The following ZDHHC15 variants were observed in gnomAD, a reference collection of about 807,000 sequenced individuals.
The protein encoded by ZDHHC15 is zDHHC palmitoyltransferase 15.
In ZDHHC15, 19 loss-of-function variants were observed where a neutral mutation model predicts 31.7. The observed-to-expected ratio is 0.60, with a 90% CI of 0.42 to 0.88. The LOEUF is 0.88. Among genes scored for constraint, ZDHHC15 ranks in the 40% least tolerant of loss-of-function variants. ZDHHC15 has a pLI of 0.00. For missense variants in ZDHHC15, 209 were observed against 251.2 expected, an observed-to-expected ratio of 0.83 and a Z score of 1.14; for synonymous variants, 103 against 90.0, an observed-to-expected ratio of 1.14 and a Z score of -0.82.
chrX:75,518,771 AT>A (rs2085399266), intron 1 of ZDHHC15, among the ~76,000 whole-genome samples: 1 of 28,877 alleles, frequency 3.5e-5, no homozygotes, highest in Non-Finnish European at 5.3e-5. Flanking sequence ...ACAAACTGGT[AT>A]ATATATATAT....
At chrX:75,499,288 A>G (rs772227490) in intron 2 of ZDHHC15, among the ~76,000 whole-genome samples, 2 of 112,059 alleles carry the variant, frequency 1.8e-5, no homozygotes, top group Non-Finnish European at 3.8e-5. Context: ...GATCGGACTT[A>G]AACTAAAAAG....
intron 2 of ZDHHC15, among the ~76,000 whole-genome samples, chrX:75,499,826 C>T (rs999807452): frequency 9.0e-6 from 1 of 111,435 alleles, no homozygotes; most frequent in Admixed American, 9.6e-5. Flanking sequence ...AAGAAAAATA[C>T]ACTTGCACAT....
rs189635298 is a variant in ZDHHC15, at chrX:75,463,984, G to A, written c.259-13062C>T. On this transcript the variant is annotated intron_variant, in intron 3 of 11. Transcript: ENST00000373367. Reference sequence around the variant, plus strand: ...CATGCTGCTATAAAGACACACGCACGCGTATGTTTATTGCGGCACTATTCA... The same window carrying A: ...CATGCTGCTATAAAGACACACGCACACGTATGTTTATTGCGGCACTATTCA... 6.8e-3 allele frequency among the ~76,000 whole-genome samples: 762 copies of A among 111,579 alleles called. 11 individuals are homozygous for A. The highest frequency in any genetic ancestry group is 0.024 in the African/African-American group (733 of 30,692).
At chrX:75,455,664 C>G (rs1456387280) in intron 3 of ZDHHC15, among the ~76,000 whole-genome samples, 1 of 111,703 alleles carries the variant, frequency 9.0e-6, no homozygotes, top group Admixed American at 9.6e-5. Flanking sequence ...CTCAAATTTA[C>G]AAGAAAAAAT....
intron 6 of ZDHHC15, among the ~76,000 whole-genome samples, chrX:75,429,464 C>A (rs774949634): frequency 3.7e-4 from 41 of 111,696 alleles, no homozygotes; most frequent in African/African-American, 1.3e-3. Context: ...TCCAAGCAAA[C>A]CTGGATCCTG....
At chrX:75,474,548 A>ATATATATATAATTCTCTT (rs58408859) in intron 3 of ZDHHC15, among the ~76,000 whole-genome samples, 216 of 81,545 alleles carry the variant, frequency 2.6e-3, no homozygotes, top group East Asian at 8.1e-3. Flanking sequence ...AATCCCCTTT[A>ATATATATATAATTCTCTT]TATATATATA....
chrX:75,519,112 T>C (rs2034927918), intron 1 of ZDHHC15, among the ~76,000 whole-genome samples: 1 of 109,375 alleles, frequency 9.1e-6, no homozygotes, highest in African/African-American at 3.3e-5. Flanking sequence ...CAAAAACATT[T>C]TGGAACTACA....
At chrX:75,457,861 G>T (rs1158884337) in intron 3 of ZDHHC15, among the ~76,000 whole-genome samples, 1 of 111,685 alleles carries the variant, frequency 9.0e-6, no homozygotes, top group Non-Finnish European at 1.9e-5. Flanking sequence ...ATAATCTAGA[G>T]ATGATTTAAA....
Position 75,461,413 on chromosome X carries a change from C to T in ZDHHC15, c.259-10491G>A, listed in dbSNP as rs750374440. 2.7e-5 allele frequency among the ~76,000 whole-genome samples: 3 copies of T among 111,401 alleles called. No homozygotes were observed. The South Asian group carries it at 1.1e-3, about 42-fold the overall frequency. On this transcript the variant is annotated intron_variant, in intron 3 of 11. Coordinates refer to ENST00000373367, the MANE Select transcript of ZDHHC15 (RefSeq NM_144969.3). ...CAGCCTAGCAAGACAGGCCAACATT[C>T]AAATTCAGGAAATGCAGAGAACCCC...
At chrX:75,398,943 C>G (rs1440593351) in intron 10 of ZDHHC15, among the ~76,000 whole-genome samples, 2 of 112,280 alleles carry the variant, frequency 1.8e-5, no homozygotes, top group East Asian at 5.7e-4. Flanking sequence ...GGTCTCCAGC[C>G]ACTTCCTACA....
chrX:75,457,252 A>G (rs1178576181), intron 3 of ZDHHC15, among the ~76,000 whole-genome samples: 3 of 110,851 alleles, frequency 2.7e-5, no homozygotes, highest in African/African-American at 9.8e-5. Flanking sequence ...GATATTGAGC[A>G]CCTTTTCATG....
At chrX:75,473,762 CCTT>C (rs946563374) in intron 3 of ZDHHC15, among the ~76,000 whole-genome samples, 7 of 111,889 alleles carry the variant, frequency 6.3e-5, no homozygotes, top group African/African-American at 2.3e-4. Flanking sequence ...AGTATTTCCT[CCTT>C]CTTTTCTTAA....
At chrX:75,471,668 G>A (rs2084505167) in intron 3 of ZDHHC15, among the ~76,000 whole-genome samples, 2 of 112,076 alleles carry the variant, frequency 1.8e-5, no homozygotes, top group South Asian at 7.6e-4. Context: ...TGACCGAAAA[G>A]GCTGCCAGTT....
chrX:75,442,312 G>A (rs553314997), intron 4 of ZDHHC15, among the ~76,000 whole-genome samples: 2 of 111,671 alleles, frequency 1.8e-5, no homozygotes, highest in Admixed American at 1.9e-4. Flanking sequence ...GGGTAATCAG[G>A]CAGGAGAAGG....
chrX:75,479,989 A>G (rs543833628), intron 2 of ZDHHC15, among the ~76,000 whole-genome samples: 1 of 111,369 alleles, frequency 9.0e-6, no homozygotes, highest in South Asian at 3.8e-4. Flanking sequence ...CTCATATGCG[A>G]TATTTTGGTA....
intron 4 of ZDHHC15, among the ~76,000 whole-genome samples, chrX:75,448,505 C>T (rs1265850224): frequency 8.9e-6 from 1 of 111,901 alleles, no homozygotes; most frequent in Non-Finnish European, 1.9e-5. Context: ...TATCATGTAA[C>T]ATAAGGTGCA....
chrX:75,381,399 C>A (rs923214599), intron 10 of ZDHHC15, among the ~76,000 whole-genome samples: 1 of 111,588 alleles, frequency 9.0e-6, no homozygotes, highest in Non-Finnish European at 1.9e-5. Flanking sequence ...GTTAGTGGGA[C>A]TATTTCCAGA....
intron 4 of ZDHHC15, among the ~76,000 whole-genome samples, chrX:75,442,771 G>C (rs1278335616): frequency 3.6e-5 from 4 of 109,724 alleles, no homozygotes; most frequent in Non-Finnish European, 7.6e-5. Context: ...TGGATCATGA[G>C]GTCAGGAGAT....
intron 11 of ZDHHC15, among the ~76,000 whole-genome samples, chrX:75,377,015 A>G (rs1262205910): frequency 9.0e-6 from 1 of 111,448 alleles, no homozygotes; most frequent in Non-Finnish European, 1.9e-5. Flanking sequence ...TTAAATATCT[A>G]ATTACTTGGA....
Sources: gnomAD v4.1 joint callset for allele counts (sites outside exome capture counted in the v4.1 genomes callset) on GRCh38, gnomAD v4.1.1 for gene constraint, MANE v1.5 for transcripts, NCBI Gene and HGNC (gene_info 2026-07-23, HGNC 2026-07-21) for gene names.